Variants in ATM observed in about 807,000 individuals in gnomAD.
ATM encodes serine-protein kinase ATM.
ATM carries 308 observed loss-of-function variants against 387.0 expected under a neutral mutation model. The observed-to-expected ratio is 0.80, with a 90% CI of 0.73 to 0.87. The LOEUF (loss-of-function observed/expected upper bound fraction) is 0.87. ATM is among the 40% of genes least tolerant of loss of function. The pLI, the probability that ATM is intolerant of heterozygous loss-of-function variation, is 0.00. For missense variants in ATM, 3,312 were observed against 3,560.9 expected (o/e 0.93, Z 1.78); for synonymous variants, 1,156 against 1,187.3 (o/e 0.97, Z 0.54).
intron 5 of ATM, among the ~76,000 whole-genome samples, chr11:108,239,767 A>C (rs1175038693): frequency 4.6e-5 from 7 of 152,190 alleles, no homozygotes; most frequent in Non-Finnish European, 8.8e-5. Context: ...GCAGCCCACA[A>C]GGGTTCCAGT....
chr11:108,350,901 T>C (rs1005106962), intron 59 of ATM, among the ~76,000 whole-genome samples: 1 of 152,180 alleles, frequency 6.6e-6, no homozygotes, highest in Admixed American at 6.5e-5. Flanking sequence ...AAGCTGACTT[T>C]ATGTATATCC....
chr11:108,350,443 T>C (rs1319975891), intron 59 of ATM, among the ~76,000 whole-genome samples: 1 of 152,194 alleles, frequency 6.6e-6, no homozygotes, highest in African/African-American at 2.4e-5. Flanking sequence ...AATGTACAAT[T>C]TACAATGTCT....
rs1409381017 is a variant in ATM at position 108,365,732 on chromosome 11, GGC to G, written c.*225_*226del. 1.6e-6 allele frequency: 1 copy of G among 624,638 alleles called. No individual in the cohort carries two copies. The highest frequency in any genetic ancestry group is 2.7e-6 in the Non-Finnish European group (1 of 376,316). The allele number at this position is 624,638 out of a possible 1,614,324, so 38.7% of individuals were successfully genotyped here. ...ACTCTTTAGAAATAATGGTCATTCG[GGC>G]TGGGCGCAGCGGCTCACGCCTGTAA... On this transcript the variant is annotated 3_prime_UTR_variant, in exon 63 of 63. Coordinates refer to ENST00000675843, the MANE Select transcript of ATM (RefSeq NM_000051.4).
rs1555139640 is a variant in ATM, at chr11:108,347,349, T to C, written c.8655T>C (p.Leu2885=). The C allele has an allele frequency of 3.1e-6, 5 of 1,604,156 alleles. No homozygotes were observed. Among genetic ancestry groups the C allele is most frequent in the Non-Finnish European group, 4.3e-6 (5 of 1,171,200 alleles). Residue 2885 remains leucine (L), a synonymous_variant, in exon 59 of 63, where the codon CTT becomes CTC. Coordinates refer to ENST00000675843, the MANE Select transcript of ATM (RefSeq NM_000051.4). ...NILINEQSAE[L]VHIDLGVAFE... The stretch of plus-strand genomic sequence containing the variant: ...TGATAAATGAGCAGTCAGCAGAACT[T>C]GTACATATAGATCTAGGTAAGTAAT...
rs2082219099 is a variant in ATM, at chr11:108,281,280, T to A, written c.3576+112T>A. 10 of 1,133,524 alleles carry A rather than the reference T, an allele frequency of 8.8e-6. No homozygotes were observed. The South Asian group carries it at 1.3e-4, about 15-fold the overall frequency. 70.2% of individuals were successfully genotyped at this position (1,133,524 alleles called of 1,614,324 possible). A position where few individuals can be genotyped will look rare whatever the true frequency, so the allele number is the denominator to read the frequency against. On this transcript the variant is annotated intron_variant, in intron 24 of 62. Coordinates refer to ENST00000675843, the MANE Select transcript of ATM (RefSeq NM_000051.4). ...ACTTATTTAAGACTAGGAAACAATT[T>A]TATTTTTTAGGTTGGGAATATTGGA... is the stretch of plus-strand genomic sequence containing the variant.
chr11:108,282,592 A>C lies in ATM; in HGVS notation c.3577-118A>C, dbSNP rs2082287694. 5 of 960,020 alleles carry C rather than the reference A, an allele frequency of 5.2e-6. No homozygotes were observed. The South Asian group carries it at 7.5e-5, about 14-fold the overall frequency. 59.5% of individuals were successfully genotyped at this position (960,020 alleles called of 1,614,324 possible). A position where few individuals can be genotyped will look rare whatever the true frequency, so the allele number is the denominator to read the frequency against. Reference sequence around the variant, plus strand: ...ATTATTCCCATCTCATAGATGAGGAAATCAAGAAAAGTTGAATGAATGTTG... The same window carrying C: ...ATTATTCCCATCTCATAGATGAGGACATCAAGAAAAGTTGAATGAATGTTG... On this transcript the variant is annotated intron_variant, in intron 24 of 62. Coordinates refer to ENST00000675843, the MANE Select transcript of ATM (RefSeq NM_000051.4).
chr11:108,248,872 C>T (rs1390239504), intron 8 of ATM, 61 bp from the exon 9 acceptor site: 17 of 1,420,278 alleles, frequency 1.2e-5, no homozygotes, highest in Middle Eastern at 2.5e-4. Flanking sequence ...TGGGCAACAA[C>T]AGCGAAACTC....
chr11:108,250,680 A>G lies in ATM; in HGVS notation c.1236-21A>G, dbSNP rs752656448. ...AATGTGATGGAATAGTTTTCAAATT[A>G]TCCTTTTTTTTTTTTTTTAGGCTAC... On this transcript the variant is annotated intron_variant, in intron 9 of 62. Coordinates refer to ENST00000675843, the MANE Select transcript of ATM (RefSeq NM_000051.4). 1.8e-5 allele frequency: 27 copies of G among 1,484,116 alleles called. 1 individual carries two copies. In the South Asian group the frequency reaches 2.0e-4, roughly 11 times the overall value. 91.9% of individuals were successfully genotyped at this position (1,484,116 alleles called of 1,614,324 possible). A position where few individuals can be genotyped will look rare whatever the true frequency, so the allele number is the denominator to read the frequency against.
rs2137355586 is a variant in ATM, at chr11:108,354,881, T to C, written c.8850+7T>C. 6.2e-7 allele frequency: 1 copy of C among 1,609,292 alleles called. No individual in the cohort carries two copies. The highest frequency in any genetic ancestry group is 8.5e-7 in the Non-Finnish European group (1 of 1,175,652). On this transcript the variant is annotated splice_region_variant and intron_variant, in intron 61 of 62. Transcript: ENST00000675843. ...TCTGTTAACCATTGTAGAGGTAAAG[T>C]ATTTTATAAGGAAGACTTTATTTTT...
chr11:108,337,761 A>G (rs1380705765), intron 56 of ATM, among the ~76,000 whole-genome samples: 1 of 152,262 alleles, frequency 6.6e-6, no homozygotes, highest in Non-Finnish European at 1.5e-5. Context: ...TGTGAATGAA[A>G]GGAAATTGTT....
chr11:108,243,077 G>C (rs2079647323), intron 5 of ATM, among the ~76,000 whole-genome samples: 1 of 151,828 alleles, frequency 6.6e-6, no homozygotes, highest in Non-Finnish European at 1.5e-5. Context: ...AATCAGTTGG[G>C]TGTGGTGGTG....
At chr11:108,359,516 C>G (rs1364067584) in intron 61 of ATM, among the ~76,000 whole-genome samples, 1 of 152,034 alleles carries the variant, frequency 6.6e-6, no homozygotes, top group Admixed American at 6.5e-5. Flanking sequence ...CCACACCACA[C>G]CTATTCCAAA....
chr11:108,347,207 T>C (rs1419304398), intron 58 of ATM, 72 bp from the exon 59 acceptor site: 3 of 1,187,158 alleles, frequency 2.5e-6, no homozygotes, highest in South Asian at 1.2e-5. Flanking sequence ...GTGGTCTTAA[T>C]TGAAATTATG....
chr11:108,303,425 T>C (rs2083526695), intron 36 of ATM, among the ~76,000 whole-genome samples: 1 of 152,162 alleles, frequency 6.6e-6, no homozygotes, highest in Admixed American at 6.5e-5. Flanking sequence ...TTTTTGAGGA[T>C]ATAGTACAAT....
chr11:108,327,812 T>C (rs2085836680), intron 48 of ATM, 54 bp downstream of exon 48: 1 of 1,282,380 alleles, frequency 7.8e-7, no homozygotes, highest in African/African-American at 1.5e-5. Context: ...ATATGCTTCA[T>C]CTTTTCATCA....
chr11:108,304,801 C>A lies in ATM; in HGVS notation c.5623C>A (p.Arg1875=), dbSNP rs376603775. ...HVQGFFTSCL[R]HFSQTSRSTT... Reference sequence around the variant, plus strand: ...TCAGGGATTTTTCACCAGCTGTCTTCGACACTTCTCGCAAACGAGCCGATC... The same window carrying A: ...TCAGGGATTTTTCACCAGCTGTCTTAGACACTTCTCGCAAACGAGCCGATC... The change falls in exon 37 of 63, where the codon CGA becomes AGA. Residue 1875 remains arginine, a synonymous_variant. Coordinates refer to ENST00000675843, the MANE Select transcript of ATM (RefSeq NM_000051.4). 2.5e-6 allele frequency: 4 copies of A among 1,613,516 alleles called. No individual in the cohort carries two copies. Among genetic ancestry groups the A allele is most frequent in the Non-Finnish European group, 2.5e-6 (3 of 1,179,946 alleles).
chr11:108,282,934 T>C, intron 25 of ATM, 55 bp downstream of exon 25: 1 of 1,221,356 alleles, frequency 8.2e-7, no homozygotes, highest in Non-Finnish European at 1.2e-6. Context: ...TAGTTAACAA[T>C]ACTTAGCAAG....
At chr11:108,300,278 G>A (rs969577591) in intron 34 of ATM, among the ~76,000 whole-genome samples, 4 of 152,300 alleles carry the variant, frequency 2.6e-5, no homozygotes, top group Middle Eastern at 3.4e-3. Context: ...AAAATAAGTC[G>A]TAAAGCAGAG....
chr11:108,310,959 T>C (rs2084105813), intron 39 of ATM, among the ~76,000 whole-genome samples: 1 of 152,146 alleles, frequency 6.6e-6, no homozygotes, highest in South Asian at 2.1e-4. Context: ...TCCCAACTGC[T>C]CTTTTCAAAT....
Sources: allele counts gnomAD v4.1 joint callset (sites outside exome capture counted in the v4.1 genomes callset), GRCh38; gene constraint gnomAD v4.1.1; transcripts MANE v1.5; gene names NCBI Gene and HGNC (gene_info 2026-07-23, HGNC 2026-07-21).